TNR: variants seen among roughly 807,000 people sequenced by gnomAD.
TNR encodes tenascin R, also known as tenascin-R.
A neutral mutation model predicts 150.4 loss-of-function variants in TNR; 45 were observed. That is an observed-to-expected ratio of 0.30 (90% CI 0.24 to 0.38). TNR has a LOEUF of 0.38. Ranked by LOEUF, TNR falls within the 10% of genes least tolerant of loss-of-function variation. The pLI is 1.00. For missense variants in TNR, 1,544 were observed against 1,759.1 expected (o/e 0.88, Z 2.19); for synonymous variants, 687 against 678.4 (o/e 1.01, Z -0.20).
intron 13 of TNR, 130 bp from the exon 14 acceptor site, chr1:175,362,939 G>A: frequency 8.9e-7 from 1 of 1,127,348 alleles, no homozygotes; most frequent in Non-Finnish European, 1.3e-6. Context: ...ATGATACATG[G>A]TTCATGGGCT....
In TNR at chr1:175,362,808, C is replaced by G. The variant is rs575878675; in HGVS notation, c.2709G>C (p.Val903=). 3 of 1,613,880 alleles carry G rather than the reference C, an allele frequency of 1.9e-6. No individual in the cohort carries two copies. The highest frequency in any genetic ancestry group is 2.5e-6 in the Non-Finnish European group (3 of 1,179,922). The part of the protein sequence containing the change: ...YYRVSYRPTQ[V]GRLDSSVVPN... Reference sequence around the variant, plus strand: ...GCACCACTGAGCTGTCTAGTCGTCCCACTGGAGAAGAGAAGAATCTACAGT... The same window carrying G: ...GCACCACTGAGCTGTCTAGTCGTCCGACTGGAGAAGAGAAGAATCTACAGT... Residue 903 remains valine (V), a splice_region_variant and synonymous_variant, in exon 14 of 23, where the codon GTG becomes GTC. Transcript: ENST00000367674.
intron 1 of TNR, among the ~76,000 whole-genome samples, chr1:175,730,899 G>A (rs12562084): frequency 2.6e-5 from 4 of 152,172 alleles, no homozygotes; most frequent in Admixed American, 2.6e-4. Context: ...GAATGAGGTA[G>A]AAGCTGCTTC....
chr1:175,660,627 T>C (rs114298298), intron 1 of TNR, among the ~76,000 whole-genome samples: 3,737 of 152,312 alleles, frequency 0.025, 66 homozygotes, highest in Non-Finnish European at 0.038. Flanking sequence ...TCAATATTTA[T>C]GGGACTCACA....
At chr1:175,709,114 T>C (rs79061855) in intron 1 of TNR, among the ~76,000 whole-genome samples, 3,630 of 152,194 alleles carry the variant, frequency 0.024, 127 homozygotes, top group African/African-American at 0.078. Context: ...ATCTTTGCTG[T>C]TGCCTTCTAT....
In TNR at chr1:175,413,291, G is replaced by C. The variant is rs1557917694; in HGVS notation, c.-63-6514C>G. Among the ~76,000 whole-genome samples the C allele has an allele frequency of 3.3e-5, 5 of 152,348 alleles. No individual in the cohort carries two copies. In the South Asian group the frequency reaches 1.0e-3, roughly 32 times the overall value. Reference sequence around the variant, plus strand: ...TCCACCTGCCTCGGCCTCCCAAAGTGTTGGGATTACAGGCATGAGCCACCG... The same window carrying C: ...TCCACCTGCCTCGGCCTCCCAAAGTCTTGGGATTACAGGCATGAGCCACCG... On this transcript the variant is annotated intron_variant, in intron 2 of 22. Coordinates refer to ENST00000367674, the MANE Select transcript of TNR (RefSeq NM_003285.3).
At chr1:175,576,087 T>C (rs183321000) in intron 1 of TNR, among the ~76,000 whole-genome samples, 33 of 152,320 alleles carry the variant, frequency 2.2e-4, no homozygotes, top group Admixed American at 8.5e-4. Flanking sequence ...CTGATTTACA[T>C]GAAATTTAAT....
intron 2 of TNR, among the ~76,000 whole-genome samples, chr1:175,424,033 A>G (rs1333306816): frequency 6.6e-6 from 1 of 152,232 alleles, no homozygotes. Context: ...GAAAATCTAT[A>G]CATATTTATT....
intron 2 of TNR, among the ~76,000 whole-genome samples, chr1:175,426,272 G>A (rs1319381042): frequency 6.6e-6 from 1 of 152,116 alleles, no homozygotes; most frequent in Non-Finnish European, 1.5e-5. Flanking sequence ...GCAACATGAG[G>A]CGAGGTCTAA....
chr1:175,334,742 A>AT (rs1259716768), intron 20 of TNR, among the ~76,000 whole-genome samples: 1 of 152,228 alleles, frequency 6.6e-6, no homozygotes, highest in Non-Finnish European at 1.5e-5. Context: ...CAAATTATCC[A>AT]TAAAAACCCT....
intron 1 of TNR, among the ~76,000 whole-genome samples, chr1:175,641,764 C>A (rs573422922): frequency 6.6e-6 from 1 of 152,068 alleles, no homozygotes; most frequent in South Asian, 2.1e-4. Context: ...TGCTGAGGAT[C>A]CTTTGTATTA....
intron 1 of TNR, among the ~76,000 whole-genome samples, chr1:175,546,720 A>C (rs1221208042): frequency 2.0e-5 from 3 of 152,196 alleles, no homozygotes; most frequent in African/African-American, 7.2e-5. Context: ...CTCAGTGTTC[A>C]GAGGATGCTC....
At position 175,496,386 on chromosome 1, in the gene TNR, A is replaced by G. The variant is rs149748779; in HGVS notation, c.-64+31883T>C. Among the ~76,000 whole-genome samples, 69 of 152,254 alleles carry G rather than the reference A, an allele frequency of 4.5e-4. No individual in the cohort carries two copies. In the East Asian group the frequency reaches 0.012, roughly 27 times the overall value. Reference sequence around the variant, plus strand: ...ACCTGGGTGGGAGCTCAGCGCACACATGGCTCCTTATTCCATGAAATAAGT... The same window carrying G: ...ACCTGGGTGGGAGCTCAGCGCACACGTGGCTCCTTATTCCATGAAATAAGT... On this transcript the variant is annotated intron_variant, in intron 2 of 22. Coordinates refer to ENST00000367674, the MANE Select transcript of TNR (RefSeq NM_003285.3).
At chr1:175,390,425 T>G (rs751737124) in intron 7 of TNR, among the ~76,000 whole-genome samples, 34 of 152,212 alleles carry the variant, frequency 2.2e-4, no homozygotes, top group Non-Finnish European at 4.4e-4. Flanking sequence ...CCATCAACAA[T>G]AAAATGAGAA....
intron 5 of TNR, among the ~76,000 whole-genome samples, chr1:175,394,267 T>C (rs1229195528): frequency 6.6e-6 from 1 of 152,200 alleles, no homozygotes; most frequent in Non-Finnish European, 1.5e-5. Flanking sequence ...TTGAGCAGTA[T>C]CTTTAGAAGC....
chr1:175,684,805 C>T (rs1397233680), intron 1 of TNR, among the ~76,000 whole-genome samples: 2 of 152,140 alleles, frequency 1.3e-5, no homozygotes, highest in Non-Finnish European at 2.9e-5. Flanking sequence ...ATATTAAAGG[C>T]TCCGAAGTCT....
At chr1:175,669,353 T>A (rs1169986401) in intron 1 of TNR, among the ~76,000 whole-genome samples, 1 of 152,192 alleles carries the variant, frequency 6.6e-6, no homozygotes, top group East Asian at 1.9e-4. Flanking sequence ...AACAACTGAA[T>A]GAAAACCTCC....
rs1328817262 is a variant in TNR at position 175,599,530 on chromosome 1, G to T, written c.-164-71161C>A. ...CGCAGATGCCACCGAGCGGTGGGGC[G>T]GCGCGGTTAATGGGGTCTCTGCTGG... On this transcript the variant is annotated intron_variant, in intron 1 of 22. Coordinates refer to ENST00000367674, the MANE Select transcript of TNR (RefSeq NM_003285.3). The surrounding 1 kb of genome is among the most constrained non-coding windows in gnomAD (Gnocchi z 4.7). 1.3e-5 allele frequency among the ~76,000 whole-genome samples: 2 copies of T among 152,224 alleles called. No individual in the cohort carries two copies. Among genetic ancestry groups the T allele is most frequent in the Non-Finnish European group, 2.9e-5 (2 of 68,036 alleles).
intron 2 of TNR, among the ~76,000 whole-genome samples, chr1:175,476,257 AG>A (rs1367105722): frequency 1.1e-4 from 17 of 152,210 alleles, no homozygotes; most frequent in Non-Finnish European, 2.2e-4. Context: ...GGAAAACCAC[AG>A]GCTCTCTGGG....
intron 1 of TNR, among the ~76,000 whole-genome samples, chr1:175,582,948 T>G (rs1662416731): frequency 1.3e-5 from 2 of 152,038 alleles, no homozygotes; most frequent in Non-Finnish European, 2.9e-5. Flanking sequence ...CTGTGCCTTC[T>G]ACAATATGAT....
Sources: allele counts gnomAD v4.1 joint callset (sites outside exome capture counted in the v4.1 genomes callset), GRCh38; gene constraint gnomAD v4.1.1; non-coding constraint Gnocchi (gnomAD v3.1); transcripts MANE v1.5; gene names NCBI Gene and HGNC (gene_info 2026-07-23, HGNC 2026-07-21).